PCDH9: variants seen among roughly 807,000 people sequenced by gnomAD.
PCDH9 encodes the protein protocadherin-9.
A neutral mutation model predicts 70.6 loss-of-function variants in PCDH9; 24 were observed. The ratio of observed to expected loss-of-function variants is 0.34; its 90% CI spans 0.25 to 0.48. PCDH9 has a LOEUF of 0.48. Among genes scored for constraint, PCDH9 ranks in the 20% least tolerant of loss-of-function variants. The pLI is 0.99. For missense variants in PCDH9, 1,281 were observed against 1,503.6 expected, an observed-to-expected ratio of 0.85 and a Z score of 2.45; for synonymous variants, 562 against 558.5, an observed-to-expected ratio of 1.01 and a Z score of -0.09.
intron 4 of PCDH9, among the ~76,000 whole-genome samples, chr13:66,393,996 G>GGGAGAAATAGAGGGTTGTGAAGCTGA (rs1357980418): frequency 6.6e-6 from 1 of 152,144 alleles, no homozygotes; most frequent in Non-Finnish European, 1.5e-5. Context: ...TATGACTGAC[G>GGGAGAAATAGAGGGTTGTGAAGCTGA]GGAGAAATAG....
intron 2 of PCDH9, among the ~76,000 whole-genome samples, chr13:67,124,639 T>G (rs2086941025): frequency 6.6e-6 from 1 of 152,170 alleles, no homozygotes; most frequent in African/African-American, 2.4e-5. Flanking sequence ...TTATTAAATT[T>G]CATAACCTAA....
intron 3 of PCDH9, among the ~76,000 whole-genome samples, chr13:66,648,501 A>G (rs946110214): frequency 6.6e-6 from 1 of 152,230 alleles, no homozygotes; most frequent in Admixed American, 6.5e-5. Context: ...AGTGTTACTG[A>G]CCTTGGGGTG....
At chr13:66,520,200 T>C (rs1159616679) in intron 4 of PCDH9, among the ~76,000 whole-genome samples, 2 of 152,190 alleles carry the variant, frequency 1.3e-5, no homozygotes, top group Non-Finnish European at 2.9e-5. Flanking sequence ...CGTCTTAAAC[T>C]GATAGTACTA....
chr13:67,132,788 A>G (rs1031616148), intron 2 of PCDH9, among the ~76,000 whole-genome samples: 1 of 152,108 alleles, frequency 6.6e-6, no homozygotes, highest in Non-Finnish European at 1.5e-5. Context: ...GGTCAATAAA[A>G]TTCAAGAATT....
In PCDH9 at chr13:66,631,362, C is replaced by A; in HGVS notation, c.3188G>T (p.Cys1063Phe). Residue 1063 changes from cysteine (C) to phenylalanine (F), a missense_variant, in exon 4 of 5, where the codon TGC (cysteine) becomes TTC (phenylalanine). Coordinates refer to ENST00000377865, the MANE Select transcript of PCDH9 (RefSeq NM_203487.3). ...ATGGTCTCCTAGACCACTGTCACTG[C>A]AGCTTTCCTGGGAGCCATCAGGGAG... The part of the protein sequence containing the change: ...FHLPDGSQES[C>F]SDSGLGDHEP... 6.2e-7 allele frequency: 1 copy of A among 1,612,624 alleles called. No individual in the cohort carries two copies. The highest frequency in any genetic ancestry group is 8.5e-7 in the Non-Finnish European group (1 of 1,178,650).
At chr13:67,029,625 T>C (rs2084864052) in intron 2 of PCDH9, among the ~76,000 whole-genome samples, 1 of 152,202 alleles carries the variant, frequency 6.6e-6, no homozygotes, top group African/African-American at 2.4e-5. Context: ...TTTTGCCTTT[T>C]AGTTTGCACT....
At chr13:67,223,687 T>G (rs2089783374) in intron 2 of PCDH9, 1 of 152,160 alleles carries the variant, frequency 6.6e-6, no homozygotes. Context: ...ATCAACCTCT[T>G]TTCAAATACT....
chr13:66,796,458 C>A (rs1369924292), intron 3 of PCDH9, among the ~76,000 whole-genome samples: 2 of 152,168 alleles, frequency 1.3e-5, no homozygotes, highest in Non-Finnish European at 2.9e-5. Flanking sequence ...CCCCAGTTTT[C>A]TGCTGATAGT....
intron 4 of PCDH9, among the ~76,000 whole-genome samples, chr13:66,479,256 T>G (rs1372159404): frequency 1.3e-5 from 2 of 152,214 alleles, no homozygotes. Context: ...ACAATGTATG[T>G]GATTATTCAG....
intron 4 of PCDH9, among the ~76,000 whole-genome samples, chr13:66,458,783 T>C (rs1384997670): frequency 6.6e-6 from 1 of 152,032 alleles, no homozygotes; most frequent in East Asian, 1.9e-4. Flanking sequence ...GAAAATACAC[T>C]ATAAAATTGT....
At position 66,587,476 on chromosome 13, in the gene PCDH9, TGTTA is replaced by T. The variant is rs2076978665; in HGVS notation, c.3340+43730_3340+43733del. On this transcript the variant is annotated intron_variant, in intron 4 of 4. Coordinates refer to ENST00000377865, the MANE Select transcript of PCDH9 (RefSeq NM_203487.3). ...TAAGGAAAATCTGAAGGCAATGTTG[TGTTA>T]GCACTCTAAAGGTAAACCACCTTCA... Among the ~76,000 whole-genome samples, 6 of 152,270 alleles carry T rather than the reference TGTTA, an allele frequency of 3.9e-5. 1 individual carries two copies. The South Asian group carries it at 1.3e-3, about 32-fold the overall frequency.
intron 4 of PCDH9, among the ~76,000 whole-genome samples, chr13:66,328,991 T>C (rs1383059684): frequency 3.3e-5 from 5 of 152,188 alleles, no homozygotes; most frequent in Non-Finnish European, 5.9e-5. Flanking sequence ...TCTAACAGCA[T>C]TCCACTTACC....
Position 66,784,453 on chromosome 13 carries a change from T to C in PCDH9, c.3138+119051A>G, listed in dbSNP as rs80174050. ...ATGTTCCAAGACATTGTCTCAGGAC[T>C]CTGGCACACCAGGAAGCAATCCAGA... On this transcript the variant is annotated intron_variant, in intron 3 of 4. Coordinates refer to ENST00000377865, the MANE Select transcript of PCDH9 (RefSeq NM_203487.3). Among the ~76,000 whole-genome samples, 8 of 152,290 alleles carry C rather than the reference T, an allele frequency of 5.3e-5. No individual in the cohort carries two copies. The East Asian group carries it at 1.5e-3, about 29-fold the overall frequency.
chr13:66,541,556 G>T (rs1427677573), intron 4 of PCDH9, among the ~76,000 whole-genome samples: 2 of 152,060 alleles, frequency 1.3e-5, no homozygotes, highest in African/African-American at 2.4e-5. Flanking sequence ...ATTTCAATCT[G>T]TGCCTCTGTT....
chr13:66,875,477 G>T (rs989724006), intron 3 of PCDH9, among the ~76,000 whole-genome samples: 1 of 152,168 alleles, frequency 6.6e-6, no homozygotes, highest in Admixed American at 6.5e-5. Context: ...TGCACATGAT[G>T]CCAGACACAC....
At chr13:66,428,056 A>C (rs1193160211) in intron 4 of PCDH9, among the ~76,000 whole-genome samples, 1 of 151,716 alleles carries the variant, frequency 6.6e-6, no homozygotes, top group Admixed American at 6.6e-5. Flanking sequence ...TTATTGAAAG[A>C]AACCATATGT....
At chr13:66,863,586 C>G (rs777490007) in intron 3 of PCDH9, among the ~76,000 whole-genome samples, 42 of 151,990 alleles carry the variant, frequency 2.8e-4, no homozygotes, top group Non-Finnish European at 5.3e-4. Flanking sequence ...CCCGGGTTCA[C>G]GCCATTCTCT....
chr13:66,726,304 C>T (rs2079004543), intron 3 of PCDH9, among the ~76,000 whole-genome samples: 1 of 152,070 alleles, frequency 6.6e-6, no homozygotes. Flanking sequence ...GAGGAAGCAG[C>T]ATTGAAGACA....
intron 4 of PCDH9, among the ~76,000 whole-genome samples, chr13:66,616,484 C>CTTTT (rs60587237): frequency 0.68 from 79,057 of 116,806 alleles, 27,377 homozygotes; most frequent in Admixed American, 0.77. Flanking sequence ...TTCTAAAATT[C>CTTTT]TTTTTTTTTT....
Sources: gnomAD v4.1 joint callset for allele counts (sites outside exome capture counted in the v4.1 genomes callset) on GRCh38, gnomAD v4.1.1 for gene constraint, MANE v1.5 for transcripts, NCBI Gene and HGNC (gene_info 2026-07-23, HGNC 2026-07-21) for gene names.